The following ARAP1 variants were observed in gnomAD, a reference collection of about 807,000 sequenced individuals.
ARAP1 encodes ArfGAP with RhoGAP domain, ankyrin repeat and PH domain 1.
ARAP1 carries 76 observed loss-of-function variants against 172.2 expected under a neutral mutation model. The observed-to-expected ratio is 0.44, with a 90% CI of 0.37 to 0.53. ARAP1 has a LOEUF of 0.53. Among genes scored for constraint, ARAP1 ranks in the 20% least tolerant of loss-of-function variants. The probability of loss-of-function intolerance (pLI) is 0.00; values close to 1 mark genes in which losing one functional copy is unlikely to be tolerated. For synonymous variants in ARAP1, 804 were observed against 803.3 expected (o/e 1.00, Z -0.01); for missense variants, 1,686 against 1,977.5 (o/e 0.85, Z 2.80).
At position 72,726,795 on chromosome 11, in the gene ARAP1, G is replaced by A. The variant is rs1011814743; in HGVS notation, c.334C>T (p.Pro112Ser). 1.3e-6 allele frequency: 2 copies of A among 1,553,338 alleles called. No homozygotes were observed. Among genetic ancestry groups the A allele is most frequent in the Admixed American group, 1.9e-5 (1 of 51,358 alleles). ...CGGGGCGGGATGGGTGGGGCAGCGG[G>A]GAGCCCCTCATCCTCTGTAGTGGTG... The part of the protein sequence containing the change: ...LPTTTEDEGL[P>S]AAPPIPPRRS... The change falls in exon 3 of 35, where the codon CCC becomes TCC. Residue 112 changes from proline (P) to serine (S), a missense_variant. Coordinates refer to ENST00000393609, the MANE Select transcript of ARAP1 (RefSeq NM_001040118.3). The surrounding 1 kb of genome is among the most constrained non-coding windows in gnomAD (Gnocchi z 6.5).
At position 72,726,550 on chromosome 11, in the gene ARAP1, C is replaced by T; in HGVS notation, c.509+70G>A. The T allele has an allele frequency of 1.4e-6, 2 of 1,438,198 alleles. No homozygotes were observed. The highest frequency in any genetic ancestry group is 9.1e-7 in the Non-Finnish European group (1 of 1,098,416). The allele number at this position is 1,438,198 out of a possible 1,614,324, so 89.1% of individuals were successfully genotyped here. A position where few individuals can be genotyped will look rare whatever the true frequency, so the allele number is the denominator to read the frequency against. On this transcript the variant is annotated intron_variant, in intron 3 of 34. Coordinates refer to ENST00000393609, the MANE Select transcript of ARAP1 (RefSeq NM_001040118.3). This position sits in a 1 kb window ranked among gnomAD's most constrained non-coding sequence, Gnocchi z 6.5. ...CCTTTCTTACCCCAGCACCAAAGGCCACAAACTCCCCATCTACCCTCTGGG... is the reference window on the plus strand; with the variant it reads ...CCTTTCTTACCCCAGCACCAAAGGCTACAAACTCCCCATCTACCCTCTGGG...
At position 72,704,184 on chromosome 11, in the gene ARAP1, G is replaced by T. The variant is rs1352590798; in HGVS notation, c.1960C>A (p.Pro654Thr). Reference protein sequence around the residue: ...YREGKYRRYHPLFGNQEELDK... With the variant: ...YREGKYRRYHTLFGNQEELDK... ...AGCTCCTCCTGGTTGCCAAAGAGCGGGTGGTAGCGGCGGTACTTGCCCTCA... is the reference window on the plus strand; with the variant it reads ...AGCTCCTCCTGGTTGCCAAAGAGCGTGTGGTAGCGGCGGTACTTGCCCTCA... Residue 654 changes from proline to threonine, a missense_variant, in exon 14 of 35, where the codon CCG becomes ACG. By Grantham distance (38) the Pro-to-Thr change is conservative. Transcript: ENST00000393609. 9 of 1,614,150 alleles carry T rather than the reference G, an allele frequency of 5.6e-6. No homozygotes were observed. Among genetic ancestry groups the T allele is most frequent in the Non-Finnish European group, 7.6e-6 (9 of 1,180,018 alleles).
chr11:72,711,939 C>T (rs879627451), intron 7 of ARAP1, among the ~76,000 whole-genome samples: 3 of 152,140 alleles, frequency 2.0e-5, no homozygotes, highest in Non-Finnish European at 4.4e-5. Flanking sequence ...TCAAGCAAAC[C>T]TCCCATCTCA....
At chr11:72,686,262 C>A in intron 33 of ARAP1, 71 bp from the exon 34 acceptor site, 5 of 1,537,530 alleles carry the variant, frequency 3.3e-6, no homozygotes, top group Non-Finnish European at 4.4e-6. Flanking sequence ...GATCTGCCCA[C>A]CCTTCCCAGA....
chr11:72,712,150 C>G, intron 7 of ARAP1, 46 bp downstream of exon 7: 1 of 1,510,198 alleles, frequency 6.6e-7, no homozygotes, highest in South Asian at 1.3e-5. Context: ...CACTGCCCCC[C>G]ACCCCCCCAT....
At position 72,714,269 on chromosome 11, in the gene ARAP1, G is replaced by T; in HGVS notation, c.562C>A (p.Gln188Lys). The T allele has an allele frequency of 6.5e-7, 1 of 1,543,046 alleles. No individual in the cohort carries two copies. The highest frequency in any genetic ancestry group is 2.5e-5 in the East Asian group (1 of 40,206). ...SLLPSLSSPP[Q>K]PQSEEPLSTL... is the part of the protein sequence containing the mutation. ...GACAGGGGCTCCTCAGACTGTGGCT[G>T]GGGAGGGGATGATAATGATGGCAGC... Residue 188 changes from glutamine to lysine, a missense_variant, in exon 4 of 35, where the codon CAG (glutamine) becomes AAG (lysine). Physicochemically the swap from Gln to Lys is moderately conservative, Grantham distance 53 (BLOSUM62 1). Transcript: ENST00000393609.
chr11:72,713,240 T>A lies in ARAP1; in HGVS notation c.683A>T (p.Asp228Val), dbSNP rs1321275565. 1 of 1,612,836 alleles carries A rather than the reference T, an allele frequency of 6.2e-7. No individual in the cohort carries two copies. The highest frequency in any genetic ancestry group is 8.5e-7 in the Non-Finnish European group (1 of 1,179,448). ...CTCTGGGACCTCATCGTAGTCAGAG[T>A]CATCTGGTGAGAGAGGGGTTGGGGG... ...KPVRLFPEFDDSDYDEVPEEG... is the reference protein window; with the variant it reads ...KPVRLFPEFDVSDYDEVPEEG... Residue 228 changes from aspartate (D) to valine (V), a missense_variant, in exon 5 of 35, where the codon GAC becomes GTC. Coordinates refer to ENST00000393609, the MANE Select transcript of ARAP1 (RefSeq NM_001040118.3).
At chr11:72,713,686 A>C (rs1424937701) in intron 4 of ARAP1, among the ~76,000 whole-genome samples, 1 of 152,058 alleles carries the variant, frequency 6.6e-6, no homozygotes, top group Non-Finnish European at 1.5e-5. Context: ...TCTCTACTAA[A>C]AATACAAAAA....
At chr11:72,696,145 T>C (rs1856179541) in intron 23 of ARAP1, among the ~76,000 whole-genome samples, 1 of 151,386 alleles carries the variant, frequency 6.6e-6, no homozygotes, top group Non-Finnish European at 1.5e-5. Context: ...GAAGACAATT[T>C]TTCCAAGGAC....
At chr11:72,706,263 T>A (rs1341917221) in intron 12 of ARAP1, among the ~76,000 whole-genome samples, 2 of 152,188 alleles carry the variant, frequency 1.3e-5, no homozygotes, top group Non-Finnish European at 2.9e-5. Context: ...ACTCCTTACC[T>A]GCTTCCCCTC....
In ARAP1 at chr11:72,697,399, C is replaced by T. The variant is rs148257169; in HGVS notation, c.2877G>A (p.Thr959=). The change falls in exon 21 of 35, where the codon ACG becomes ACA. Residue 959 remains threonine, a synonymous_variant. Coordinates refer to ENST00000393609, the MANE Select transcript of ARAP1 (RefSeq NM_001040118.3). ...AGTCCCCAAGCTGCTGCTCCGACAG[C>T]GTGTCCCCCATGCTGGCGGCTGCTT... ...IQKAAASMGD[T]LSEQQLGDSD... 638 of 1,611,896 alleles carry T rather than the reference C, an allele frequency of 4.0e-4. 1 individual carries two copies. Among genetic ancestry groups the T allele is most frequent in the Non-Finnish European group, 5.1e-4 (596 of 1,179,240 alleles).
Position 72,709,790 on chromosome 11 carries a change from G to A in ARAP1, c.1523+80C>T, listed in dbSNP as rs1856927277. The A allele has an allele frequency of 4.8e-6, 7 of 1,470,852 alleles. No individual in the cohort carries two copies. The South Asian group carries it at 7.9e-5, about 17-fold the overall frequency. 91.1% of individuals were successfully genotyped at this position (1,470,852 alleles called of 1,614,324 possible). ...GTGAGGGAACCCATCCCATAGGAAG[G>A]GGCAGCTTCCCACGTCGCGCAAAAG... On this transcript the variant is annotated intron_variant, in intron 11 of 34. Transcript: ENST00000393609.
Position 72,702,955 on chromosome 11 carries a change from T to C in ARAP1, c.2117A>G (p.Gln706Arg), listed in dbSNP as rs1204391995. The change falls in exon 15 of 35, where the codon CAG becomes CGG. Residue 706 changes from glutamine (Q) to arginine (R), a missense_variant. Gln to Arg is a conservative substitution (Grantham distance 43). This residue lies in a region of ARAP1 where 688 missense variants were observed against 856.9 expected (regional missense o/e 0.80). Transcript: ENST00000393609. ...TTCCATCTGCAGCGTCTGCCCCGCC[T>C]GCTCTGCAAGAGCCAGGGGCGTGGG... ...EAPTPLALAE[Q>R]AGQTLQMEFL... 6.4e-7 allele frequency: 1 copy of C among 1,569,326 alleles called. No homozygotes were observed. Among genetic ancestry groups the C allele is most frequent in the African/African-American group, 1.3e-5 (1 of 74,118 alleles).
In ARAP1 at chr11:72,692,909, A is replaced by G; in HGVS notation, c.3955-124T>C. ...TATGTGCAGAAGGTGGAGGGTGTCA[A>G]ATGGAGTCTGGGTTGGGAGAACACC... On this transcript the variant is annotated intron_variant, in intron 29 of 34. Coordinates refer to ENST00000393609, the MANE Select transcript of ARAP1 (RefSeq NM_001040118.3). 9 of 1,297,214 alleles carry G rather than the reference A, an allele frequency of 6.9e-6. No homozygotes were observed. The South Asian group carries it at 1.1e-4, about 16-fold the overall frequency. 80.4% of individuals were successfully genotyped at this position (1,297,214 alleles called of 1,614,324 possible). A position where few individuals can be genotyped will look rare whatever the true frequency, so the allele number is the denominator to read the frequency against.
chr11:72,708,835 G>A (rs750194276), intron 11 of ARAP1, among the ~76,000 whole-genome samples: 28 of 152,188 alleles, frequency 1.8e-4, no homozygotes, highest in Non-Finnish European at 2.8e-4. Flanking sequence ...TCAGGAGTTC[G>A]AGACCAGCCT....
At position 72,695,738 on chromosome 11, in the gene ARAP1, G is replaced by A; in HGVS notation, c.3400C>T (p.His1134Tyr). The A allele has an allele frequency of 1.9e-6, 3 of 1,614,194 alleles. No homozygotes were observed. The highest frequency in any genetic ancestry group is 2.5e-6 in the Non-Finnish European group (3 of 1,180,014). ...CGCACACTAAACACCACCACATAGTGGTTAATGAGGTCTTCCACCACACGG... is the reference window on the plus strand; with the variant it reads ...CGCACACTAAACACCACCACATAGTAGTTAATGAGGTCTTCCACCACACGG... The part of the protein sequence containing the change: ...AGRVVEDLIN[H>Y]YVVVFSVDEE... The change falls in exon 24 of 35, where the codon CAC becomes TAC. Residue 1134 changes from histidine to tyrosine, a missense_variant. This residue lies in a region of ARAP1 where 379 missense variants were observed against 500.1 expected (regional missense o/e 0.76). Transcript: ENST00000393609. This position sits in a 1 kb window ranked among gnomAD's most constrained non-coding sequence, Gnocchi z 4.4.
chr11:72,727,595 T>C (rs898922148), intron 2 of ARAP1, among the ~76,000 whole-genome samples: 1 of 152,114 alleles, frequency 6.6e-6, no homozygotes, highest in African/African-American at 2.4e-5. Flanking sequence ...CAGTTCCCAG[T>C]GAGGGCCAGG....
At chr11:72,742,005 C>T (rs1399448983) in intron 1 of ARAP1, among the ~76,000 whole-genome samples, 1 of 152,122 alleles carries the variant, frequency 6.6e-6, no homozygotes, top group African/African-American at 2.4e-5. Context: ...TAAGGGGGTC[C>T]CTTACTGCTG....
At chr11:72,709,029 ACT>A (rs1450886181) in intron 11 of ARAP1, among the ~76,000 whole-genome samples, 1 of 138,896 alleles carries the variant, frequency 7.2e-6, no homozygotes, top group Non-Finnish European at 1.5e-5. Context: ...AGAGCCTAAG[ACT>A]CTGTCTCAAA....
Sources: allele counts gnomAD v4.1 joint callset (sites outside exome capture counted in the v4.1 genomes callset), GRCh38; gene constraint gnomAD v4.1.1; regional missense constraint gnomAD v4.1.1; non-coding constraint Gnocchi (gnomAD v3.1); transcripts MANE v1.5; gene names NCBI Gene and HGNC (gene_info 2026-07-23, HGNC 2026-07-21).